IL7: variants seen among roughly 807,000 people sequenced by gnomAD.
The protein encoded by IL7 is interleukin 7.
IL7 carries 3 observed loss-of-function variants against 21.6 expected under a neutral mutation model. That is an observed-to-expected ratio of 0.14 (90% CI 0.06 to 0.36). The LOEUF is 0.36. IL7 is among the 10% of genes least tolerant of loss of function. The pLI is 1.00. For synonymous variants in IL7, 62 were observed against 68.1 expected, an observed-to-expected ratio of 0.91 and a Z score of 0.44; for missense variants, 175 against 200.2, an observed-to-expected ratio of 0.87 and a Z score of 0.76.
chr8:78,749,313 T>C (rs530416666), intron 2 of IL7, among the ~76,000 whole-genome samples: 46 of 152,248 alleles, frequency 3.0e-4, no homozygotes, highest in Non-Finnish European at 5.9e-4. Context: ...TATAAAATAG[T>C]TGTTTTGAGA....
intron 2 of IL7, among the ~76,000 whole-genome samples, chr8:78,766,862 G>T (rs759221030): frequency 2.4e-4 from 37 of 151,998 alleles, no homozygotes; most frequent in Non-Finnish European, 5.2e-4. Context: ...GAATAAAATG[G>T]TATATGTATT....
chr8:78,696,831 G>A (rs1810434124), intron 3 of IL7, among the ~76,000 whole-genome samples: 2 of 152,118 alleles, frequency 1.3e-5, no homozygotes, highest in Non-Finnish European at 1.5e-5. Context: ...TATATATATG[G>A]AATATAAAAA....
rs1811489049 is a variant in IL7, at chr8:78,733,819, G to T, written c.428C>A (p.Ser143Tyr). The T allele has an allele frequency of 6.4e-7, 1 of 1,552,574 alleles. No individual in the cohort carries two copies. Among genetic ancestry groups the T allele is most frequent in the South Asian group, 1.2e-5 (1 of 81,310 alleles). ...QPTKSLEENKSLKEQKKLNDL... is the reference protein window; with the variant it reads ...QPTKSLEENKYLKEQKKLNDL... ...ATTCAGTTTTTTCTGTTCCTTTAAAGATTTATTTTCTTCCTAGAGAATAGA... is the reference window on the plus strand; with the variant it reads ...ATTCAGTTTTTTCTGTTCCTTTAAATATTTATTTTCTTCCTAGAGAATAGA... The change falls in exon 6 of 6, where the codon TCT becomes TAT. Residue 143 changes from serine (S) to tyrosine (Y), a missense_variant. By Grantham distance (144) the Ser-to-Tyr change is moderately radical (BLOSUM62 -2). Transcript: ENST00000263851.
intron 2 of IL7, chr8:78,760,862 T>A: frequency 1.3e-6 from 2 of 1,561,550 alleles, no homozygotes; most frequent in South Asian, 2.4e-5. Context: ...CATCACTTCG[T>A]TGAGTGAATG....
intron 2 of IL7, among the ~76,000 whole-genome samples, chr8:78,772,994 T>G (rs1467672784): frequency 1.3e-5 from 2 of 152,310 alleles, no homozygotes; most frequent in African/African-American, 4.8e-5. Flanking sequence ...ATTTGTATAA[T>G]GACCATTTAC....
intron 3 of IL7, among the ~76,000 whole-genome samples, chr8:78,738,906 G>A (rs2583778): frequency 0.21 from 32,557 of 151,988 alleles, 3,816 homozygotes; most frequent in Middle Eastern, 0.35. Flanking sequence ...TGATCTTATC[G>A]CTTATGTGTG....
intron 2 of IL7, among the ~76,000 whole-genome samples, chr8:78,779,531 A>T (rs1403992898): frequency 6.6e-6 from 1 of 152,030 alleles, no homozygotes; most frequent in African/African-American, 2.4e-5. Context: ...TTATGTGATG[A>T]ATTACATTTA....
chr8:78,737,364 G>A (rs1276489599), intron 4 of IL7, among the ~76,000 whole-genome samples: 1 of 152,108 alleles, frequency 6.6e-6, no homozygotes, highest in Non-Finnish European at 1.5e-5. Context: ...TGAAACCGCT[G>A]TTAAGTAGGA....
chr8:78,777,368 C>A (rs1813166121), intron 2 of IL7, among the ~76,000 whole-genome samples: 1 of 151,968 alleles, frequency 6.6e-6, no homozygotes, highest in Non-Finnish European at 1.5e-5. Context: ...TAAAAAAGGG[C>A]AATCTGAAAG....
chr8:78,730,338 G>T (rs530111900), downstream of IL7, among the ~76,000 whole-genome samples: 5 of 151,962 alleles, frequency 3.3e-5, no homozygotes, highest in African/African-American at 1.2e-4. Context: ...TTTATATTTA[G>T]ACATTAAAAA....
intron 2 of IL7, among the ~76,000 whole-genome samples, chr8:78,750,211 G>T (rs962823729): frequency 6.6e-6 from 1 of 152,026 alleles, no homozygotes; most frequent in African/African-American, 2.4e-5. Context: ...TTGGAAGGCT[G>T]CCCTGTACCA....
intron 3 of IL7, chr8:78,721,481 C>A (rs1300239787): frequency 6.6e-6 from 1 of 151,976 alleles, no homozygotes; most frequent in African/African-American, 2.4e-5. Flanking sequence ...CTGATAATTC[C>A]AGCTATTCAA....
intron 2 of IL7, among the ~76,000 whole-genome samples, chr8:78,774,318 C>A (rs1813060897): frequency 6.6e-6 from 1 of 152,056 alleles, no homozygotes. Flanking sequence ...AATTTTTTGA[C>A]TTTAGCATTG....
intron 3 of IL7, chr8:78,698,372 T>C: frequency 6.7e-7 from 1 of 1,501,206 alleles, no homozygotes. Flanking sequence ...TTATGTAACC[T>C]TTTTTAGAGT....
chr8:78,798,205 G>T lies in IL7; in HGVS notation c.14C>A (p.Ser5Tyr), dbSNP rs554837713. MFHV[S>Y]FRYIFGLPPL... ...AGGAAGTCCAAAGATATACCTAAAAGAAACTAAATTTGACAGTAAATAAGA... is the reference window on the plus strand; with the variant it reads ...AGGAAGTCCAAAGATATACCTAAAATAAACTAAATTTGACAGTAAATAAGA... The change falls in exon 2 of 6, where the codon TCT becomes TAT. Residue 5 changes from serine to tyrosine, a missense_variant. Physicochemically the swap from Ser to Tyr is moderately radical, Grantham distance 144. Coordinates refer to ENST00000263851, the MANE Select transcript of IL7 (RefSeq NM_000880.4). The T allele has an allele frequency of 3.2e-4, 514 of 1,606,714 alleles. 8 individuals are homozygous for T. In the South Asian group the frequency reaches 5.2e-3, roughly 16 times the overall value.
chr8:78,684,067 A>C (rs1363472850), intron 4 of IL7, among the ~76,000 whole-genome samples: 1 of 152,140 alleles, frequency 6.6e-6, no homozygotes, highest in Non-Finnish European at 1.5e-5. Flanking sequence ...AAACTTTCCC[A>C]CATTTTTCTG....
At chr8:78,679,379 T>C (rs1052916331) in intron 4 of IL7, 1 of 152,234 alleles carries the variant, frequency 6.6e-6, no homozygotes, top group Admixed American at 6.5e-5. Flanking sequence ...AGTATTTGCA[T>C]ATAACTTATG....
intron 2 of IL7, among the ~76,000 whole-genome samples, chr8:78,796,862 AAC>A (rs1280607233): frequency 6.6e-6 from 1 of 151,996 alleles, no homozygotes; most frequent in African/African-American, 2.4e-5. Flanking sequence ...TACAGAGCTA[AAC>A]ACAGTCTTAC....
At chr8:78,778,089 T>C (rs555511441) in intron 2 of IL7, among the ~76,000 whole-genome samples, 16 of 152,196 alleles carry the variant, frequency 1.1e-4, no homozygotes, top group African/African-American at 3.8e-4. Context: ...ATTATCAGCA[T>C]TATCCCATTG....
Sources: allele counts gnomAD v4.1 joint callset (sites outside exome capture counted in the v4.1 genomes callset), GRCh38; gene constraint gnomAD v4.1.1; transcripts MANE v1.5; gene names NCBI Gene and HGNC (gene_info 2026-07-23, HGNC 2026-07-21).